The following DPM1 variants were observed in gnomAD, a reference collection of about 807,000 sequenced individuals.
DPM1 encodes dolichyl-phosphate mannosyltransferase subunit 1, catalytic.
A neutral mutation model predicts 39.0 loss-of-function variants in DPM1; 27 were observed. The observed-to-expected ratio is 0.69, with a 90% confidence interval of 0.51 to 0.95. The LOEUF is 0.95. Among genes scored for constraint, DPM1 ranks in the 40% least tolerant of loss-of-function variants. The probability of loss-of-function intolerance (pLI) is 0.00; values close to 1 mark genes in which losing one functional copy is unlikely to be tolerated. For synonymous variants in DPM1, 124 were observed against 109.0 expected, an observed-to-expected ratio of 1.14 and a Z score of -0.86; for missense variants, 307 against 315.6, an observed-to-expected ratio of 0.97 and a Z score of 0.21.
At chr20:50,946,149 A>G (rs1986269817) in intron 3 of DPM1, among the ~76,000 whole-genome samples, 1 of 152,236 alleles carries the variant, frequency 6.6e-6, no homozygotes, top group South Asian at 2.1e-4. Flanking sequence ...ATTTAATACA[A>G]TAGATCATAC....
At chr20:50,958,291 G>C in intron 1 of DPM1, 72 bp downstream of exon 1, 1 of 1,585,574 alleles carries the variant, frequency 6.3e-7, no homozygotes, top group Non-Finnish European at 8.5e-7. Flanking sequence ...GCTTCGCGCA[G>C]CCAGCTGCCG....
chr20:50,944,125 T>C (rs907406315), intron 5 of DPM1, among the ~76,000 whole-genome samples: 1 of 152,262 alleles, frequency 6.6e-6, no homozygotes, highest in African/African-American at 2.4e-5. Flanking sequence ...TTATACTTCC[T>C]TCAGCAATAT....
At chr20:50,956,598 C>T (rs140459902) in intron 1 of DPM1, among the ~76,000 whole-genome samples, 39 of 152,094 alleles carry the variant, frequency 2.6e-4, no homozygotes, top group African/African-American at 8.9e-4. Flanking sequence ...ACATATTCCA[C>T]TGTTAAAGGC....
intron 1 of DPM1, 101 bp from the exon 2 acceptor site, chr20:50,955,386 T>C (rs1986775207): frequency 9.8e-6 from 8 of 816,928 alleles, no homozygotes; most frequent in African/African-American, 1.7e-5. Context: ...TGGAGATGTA[T>C]TGCTATATTA....
chr20:50,955,717 C>T (rs1986791556), intron 1 of DPM1, among the ~76,000 whole-genome samples: 2 of 152,158 alleles, frequency 1.3e-5, no homozygotes, highest in Admixed American at 1.3e-4. Context: ...GCGCCCACCA[C>T]CACGCCCGGC....
intron 3 of DPM1, among the ~76,000 whole-genome samples, chr20:50,947,276 C>A (rs1443790736): frequency 6.6e-6 from 1 of 152,228 alleles, no homozygotes; most frequent in Non-Finnish European, 1.5e-5. Flanking sequence ...GAGGCTGAGG[C>A]ACAAGAATGG....
At chr20:50,955,524 C>A (rs1242254156) in intron 1 of DPM1, among the ~76,000 whole-genome samples, 1 of 152,150 alleles carries the variant, frequency 6.6e-6, no homozygotes, top group South Asian at 2.1e-4. Context: ...ACACAGAGAA[C>A]AAACTTTTTA....
At position 50,938,344 on chromosome 20, in the gene DPM1, C is replaced by T. The variant is rs73265711; in HGVS notation, c.564-2082G>A. The stretch of plus-strand genomic sequence containing the variant: ...ACTTTAATGCATGTATTTAAGAAAC[C>T]ACCACTCTTATGAGAAGACAATGAG... On this transcript the variant is annotated intron_variant, in intron 7 of 8. Transcript: ENST00000371588. 6.6e-3 allele frequency among the ~76,000 whole-genome samples: 1,009 copies of T among 151,900 alleles called. 12 individuals carry two copies. Among genetic ancestry groups the T allele is most frequent in the African/African-American group, 0.023 (937 of 41,422 alleles).
Position 50,940,872 on chromosome 20 carries a change from T to C in DPM1, c.556A>G (p.Ser186Gly). The C allele has an allele frequency of 6.2e-7, 1 of 1,613,794 alleles. No homozygotes were observed. The highest frequency in any genetic ancestry group is 8.5e-7 in the Non-Finnish European group (1 of 1,179,742). ...TGGAAATTTTCACTGTACCTGAAACTTCCTGTTAAATCAGATGCTCCTGGT... is the reference window on the plus strand; with the variant it reads ...TGGAAATTTTCACTGTACCTGAAACCTCCTGTTAAATCAGATGCTCCTGGT... ...LRPGASDLTG[S>G]FRLYRKEVLE... Residue 186 changes from serine to glycine, a missense_variant, in exon 7 of 9, where the codon AGT (serine) becomes GGT (glycine). By Grantham distance (56) the Ser-to-Gly change is moderately conservative. Coordinates refer to ENST00000371588, the MANE Select transcript of DPM1 (RefSeq NM_003859.3).
intron 7 of DPM1, among the ~76,000 whole-genome samples, chr20:50,940,507 G>C (rs150824827): frequency 2.2e-4 from 34 of 152,294 alleles, no homozygotes; most frequent in African/African-American, 7.9e-4. Flanking sequence ...AAATATTAAA[G>C]AGTTTAACCT....
Position 50,936,156 on chromosome 20 carries a change from T to C in DPM1, c.670A>G (p.Ile224Val). The C allele has an allele frequency of 1.2e-6, 2 of 1,610,534 alleles. No homozygotes were observed. Among genetic ancestry groups the C allele is most frequent in the Non-Finnish European group, 1.7e-6 (2 of 1,176,892 alleles). ...IVRARQLNYT[I>V]GEVPISFVDR... ...TAGCATCAGTTGCATACCTCGCCAATAGTATAATTCAACTGTCTTGCCCGA... is the reference window on the plus strand; with the variant it reads ...TAGCATCAGTTGCATACCTCGCCAACAGTATAATTCAACTGTCTTGCCCGA... Residue 224 changes from isoleucine to valine, a missense_variant, in exon 8 of 9, where the codon ATT (isoleucine) becomes GTT (valine). Transcript: ENST00000371588.
chr20:50,944,814 TTAAC>T (rs761933562), intron 5 of DPM1: 2 of 152,248 alleles, frequency 1.3e-5, no homozygotes, highest in African/African-American at 2.4e-5. Context: ...TTACTAACAT[TTAAC>T]TAAATTCTTA....
At chr20:50,935,333 C>A (rs1221082863) in intron 8 of DPM1, 97 bp from the exon 9 acceptor site, 17 of 780,862 alleles carry the variant, frequency 2.2e-5, no homozygotes, top group South Asian at 1.3e-4. Flanking sequence ...TAGGATTAGT[C>A]CTACAACAGA....
intron 3 of DPM1, among the ~76,000 whole-genome samples, chr20:50,947,271 T>G (rs575972868): frequency 2.2e-4 from 34 of 152,326 alleles, no homozygotes; most frequent in African/African-American, 8.2e-4. Flanking sequence ...CTCGGGAGGC[T>G]GAGGCACAAG....
rs553618575 is a variant in DPM1 at position 50,943,864 on chromosome 20, C to T, written c.399-1738G>A. Among the ~76,000 whole-genome samples, 87 of 152,000 alleles carry T rather than the reference C, an allele frequency of 5.7e-4. 1 individual carries two copies. The highest frequency in any genetic ancestry group is 2.6e-3 in the Admixed American group (40 of 15,268). On this transcript the variant is annotated intron_variant, in intron 5 of 8. Coordinates refer to ENST00000371588, the MANE Select transcript of DPM1 (RefSeq NM_003859.3). ...ATGCCATTCTCCTGCCTCAGCCTCCCGAGTAGCTGGGACTACAGGTGCACA... is the reference window on the plus strand; with the variant it reads ...ATGCCATTCTCCTGCCTCAGCCTCCTGAGTAGCTGGGACTACAGGTGCACA...
At chr20:50,948,037 C>CT (rs1986386197) in intron 3 of DPM1, among the ~76,000 whole-genome samples, 1 of 152,224 alleles carries the variant, frequency 6.6e-6, no homozygotes, top group African/African-American at 2.4e-5. Context: ...CTTCCCTACT[C>CT]TGTGCTATAT....
Position 50,936,254 on chromosome 20 carries a change from C to T in DPM1, c.572G>A (p.Arg191Gln), listed in dbSNP as rs546651949. The change falls in exon 8 of 9, where the codon CGA (arginine) becomes CAA (glutamine). Residue 191 changes from arginine to glutamine, a missense_variant. Arg to Gln is a conservative substitution (Grantham distance 43, BLOSUM62 1). Transcript: ENST00000371588. ...SDLTGSFRLY[R>Q]KEVLEKLIEK... ...TATTAATTTCTCTAGAACTTCTTTTCGGTATAATCTGTAAGAAATTAAAAA... is the reference window on the plus strand; with the variant it reads ...TATTAATTTCTCTAGAACTTCTTTTTGGTATAATCTGTAAGAAATTAAAAA... The T allele has an allele frequency of 1.1e-5, 17 of 1,592,098 alleles. No individual in the cohort carries two copies. Among genetic ancestry groups the T allele is most frequent in the African/African-American group, 4.0e-5 (3 of 74,592 alleles).
chr20:50,958,308 G>C, intron 1 of DPM1, 55 bp downstream of exon 1: 1 of 1,601,432 alleles, frequency 6.2e-7, no homozygotes, highest in Non-Finnish European at 8.5e-7. Flanking sequence ...GCCGACACCC[G>C]GGCCGGGGAA....
chr20:50,939,143 G>C (rs1447906777), intron 7 of DPM1, among the ~76,000 whole-genome samples: 1 of 152,136 alleles, frequency 6.6e-6, no homozygotes, highest in African/African-American at 2.4e-5. Context: ...ATCCTTGTAT[G>C]GTTCTGATGC....
Sources: allele counts gnomAD v4.1 joint callset (sites outside exome capture counted in the v4.1 genomes callset), GRCh38; gene constraint gnomAD v4.1.1; transcripts MANE v1.5; gene names NCBI Gene and HGNC (gene_info 2026-07-23, HGNC 2026-07-21).